Variants in SOX6 observed in about 807,000 individuals in gnomAD.
The protein encoded by SOX6 is transcription factor SOX-6.
In SOX6, 11 loss-of-function variants were observed where a neutral mutation model predicts 97.8. That is an observed-to-expected ratio of 0.11 (90% CI 0.07 to 0.19). The LOEUF is 0.19. Among genes scored for constraint, SOX6 ranks in the 10% least tolerant of loss-of-function variants. The probability of loss-of-function intolerance (pLI) is 1.00; values close to 1 mark genes in which losing one functional copy is unlikely to be tolerated. For synonymous variants in SOX6, 360 were observed against 371.4 expected, an observed-to-expected ratio of 0.97 and a Z score of 0.35; for missense variants, 810 against 1,039.5, an observed-to-expected ratio of 0.78 and a Z score of 3.04.
intron 2 of SOX6, among the ~76,000 whole-genome samples, chr11:16,716,900 T>A (rs531637231): frequency 6.6e-6 from 1 of 151,972 alleles, no homozygotes; most frequent in South Asian, 2.1e-4. Flanking sequence ...TTTGAGGGGG[T>A]CATAGTAATT....
intron 1 of SOX6, among the ~76,000 whole-genome samples, chr11:16,442,772 T>G (rs1337009971): frequency 1.3e-5 from 2 of 152,140 alleles, no homozygotes; most frequent in Non-Finnish European, 2.9e-5. Flanking sequence ...TCCGTACAAC[T>G]TCATCATTTT....
chr11:16,513,156 C>T (rs1475188988), intron 4 of SOX6, among the ~76,000 whole-genome samples: 6 of 152,240 alleles, frequency 3.9e-5, no homozygotes, highest in Non-Finnish European at 2.9e-5. Flanking sequence ...TGCAACTTCA[C>T]ACTCAGGAGG....
chr11:16,283,905 G>A, intron 3 of SOX6: 1 of 432,102 alleles, frequency 2.3e-6, no homozygotes, highest in Non-Finnish European at 4.6e-6. Context: ...CAGAAATCTT[G>A]AAAGAAAGAC....
chr11:16,192,560 G>T (rs1851659912), intron 4 of SOX6, among the ~76,000 whole-genome samples: 1 of 151,062 alleles, frequency 6.6e-6, no homozygotes, highest in African/African-American at 2.4e-5. Flanking sequence ...CAGCCCTCTA[G>T]CCTTTTTTGG....
At chr11:15,998,243 C>T (rs868069765) in intron 13 of SOX6, among the ~76,000 whole-genome samples, 20 of 150,828 alleles carry the variant, frequency 1.3e-4, no homozygotes, top group Middle Eastern at 3.4e-3. Flanking sequence ...AACAGTATTG[C>T]AATGAACAAT....
At chr11:16,039,123 T>C (rs896233990) in intron 12 of SOX6, among the ~76,000 whole-genome samples, 2 of 152,148 alleles carry the variant, frequency 1.3e-5, no homozygotes, top group African/African-American at 4.8e-5. Flanking sequence ...ACTTCACTTA[T>C]CTCAGCTTTA....
At chr11:16,053,735 G>A (rs564787909) in intron 10 of SOX6, among the ~76,000 whole-genome samples, 1 of 151,992 alleles carries the variant, frequency 6.6e-6, no homozygotes, top group African/African-American at 2.4e-5. Flanking sequence ...ATTTATTTTT[G>A]ATACTTTCAG....
In SOX6 at chr11:16,378,170, CAT is replaced by C. The variant is rs557435655; in HGVS notation, c.-4-36920_-4-36919del. On this transcript the variant is annotated intron_variant, in intron 1 of 15. Coordinates refer to the SOX6 transcript ENST00000396356. ...AAACATTTAACATTTATTCAACAAACATGTACTGAGGCCTACTATGTGCTAGG... is the reference window on the plus strand; with the variant it reads ...AAACATTTAACATTTATTCAACAAACGTACTGAGGCCTACTATGTGCTAGG... 5.8e-3 allele frequency among the ~76,000 whole-genome samples: 888 copies of C among 152,196 alleles called. 6 individuals carry two copies. Among genetic ancestry groups the C allele is most frequent in the African/African-American group, 0.02 (852 of 41,566 alleles).
chr11:16,400,312 T>C (rs7946119), intron 1 of SOX6, among the ~76,000 whole-genome samples: 47,024 of 151,246 alleles, frequency 0.31, 8,270 homozygotes, highest in Non-Finnish European at 0.4. Context: ...CAATTTTAAA[T>C]AGGATGTTCA....
chr11:16,641,688 G>T (rs1301489106), intron 3 of SOX6, among the ~76,000 whole-genome samples: 8 of 152,100 alleles, frequency 5.3e-5, no homozygotes, highest in African/African-American at 1.7e-4. Flanking sequence ...TTTGATCTTT[G>T]TTGGTTTAAA....
At chr11:16,429,172 A>G (rs575326805) in intron 1 of SOX6, among the ~76,000 whole-genome samples, 30 of 152,310 alleles carry the variant, frequency 2.0e-4, no homozygotes, top group Admixed American at 1.6e-3. Flanking sequence ...AAGTCAAAAA[A>G]TTACAGATAT....
chr11:16,180,983 C>T (rs1199111904), intron 6 of SOX6, among the ~76,000 whole-genome samples: 1 of 151,688 alleles, frequency 6.6e-6, no homozygotes, highest in African/African-American at 2.4e-5. Context: ...GCCATTCATT[C>T]ATTTTCATTT....
At chr11:16,066,290 G>A (rs1022669929) in intron 9 of SOX6, among the ~76,000 whole-genome samples, 2 of 152,108 alleles carry the variant, frequency 1.3e-5, no homozygotes, top group Non-Finnish European at 2.9e-5. Context: ...GGGAATCCCT[G>A]TACACTGTTG....
At chr11:16,729,294 G>T (rs1318148685) in intron 2 of SOX6, among the ~76,000 whole-genome samples, 1 of 152,146 alleles carries the variant, frequency 6.6e-6, no homozygotes. Context: ...CACCAAGGTT[G>T]AAATGAAGGA....
intron 6 of SOX6, among the ~76,000 whole-genome samples, chr11:16,170,067 T>C (rs1850992915): frequency 6.6e-6 from 1 of 152,086 alleles, no homozygotes; most frequent in Non-Finnish European, 1.5e-5. Flanking sequence ...TTCTTTTAAA[T>C]AGCTCCAGTC....
Position 16,706,589 on chromosome 11 carries a change from C to A in SOX6, n.429+8241G>T, listed in dbSNP as rs1848138516. On this transcript the variant is annotated intron_variant and non_coding_transcript_variant, in intron 3 of 5. Transcript: ENST00000524520. ...AAGGGCAGTGGAAAAAAGGGCCCAG[C>A]AAACATGCAGGAAAATGAGAAGCAG... 3.0e-5 allele frequency among the ~76,000 whole-genome samples: 4 copies of A among 133,522 alleles called. No homozygotes were observed. The South Asian group carries it at 9.9e-4, about 33-fold the overall frequency. 87.6% of individuals were successfully genotyped at this position (133,522 alleles called of 152,430 possible). A position where few individuals can be genotyped will look rare whatever the true frequency, so the allele number is the denominator to read the frequency against.
intron 4 of SOX6, among the ~76,000 whole-genome samples, chr11:16,564,828 T>G (rs1589987358): frequency 6.6e-6 from 1 of 151,786 alleles, no homozygotes; most frequent in Non-Finnish European, 1.5e-5. Flanking sequence ...AGAAAGACAT[T>G]TATAACACTA....
At position 16,377,896 on chromosome 11, in the gene SOX6, T is replaced by C. The variant is rs1374896911; in HGVS notation, c.-4-36644A>G. ...TCTTACCATGAGGAGACAAATAAGC[T>C]GATCAAAACACTACGGTTTCAAACT... On this transcript the variant is annotated intron_variant, in intron 1 of 15. Transcript: ENST00000396356. Among the ~76,000 whole-genome samples, 2 of 152,170 alleles carry C rather than the reference T, an allele frequency of 1.3e-5. 1 individual carries two copies. Among genetic ancestry groups the C allele is most frequent in the Non-Finnish European group, 2.9e-5 (2 of 67,998 alleles).
chr11:16,572,730 T>G (rs1331975257), intron 4 of SOX6, among the ~76,000 whole-genome samples: 1 of 152,200 alleles, frequency 6.6e-6, no homozygotes, highest in East Asian at 1.9e-4. Context: ...TTCATTTATA[T>G]CAAATACTCT....
Sources: allele counts gnomAD v4.1 joint callset (sites outside exome capture counted in the v4.1 genomes callset), GRCh38; gene constraint gnomAD v4.1.1; transcripts MANE v1.5; gene names NCBI Gene and HGNC (gene_info 2026-07-23, HGNC 2026-07-21).